Variants in WDPCP observed in about 807,000 individuals in gnomAD.
WDPCP encodes the protein WD repeat containing planar cell polarity effector, also known as WD repeat-containing and planar cell polarity effector protein fritz homolog.
In WDPCP, 71 loss-of-function variants were observed where a neutral mutation model predicts 93.1. The ratio of observed to expected loss-of-function variants is 0.76; its 90% CI spans 0.63 to 0.93. The LOEUF (loss-of-function observed/expected upper bound fraction) is 0.93. WDPCP is among the 40% of genes least tolerant of loss of function. WDPCP has a pLI of 0.00. For missense variants in WDPCP, 844 were observed against 887.4 expected (o/e 0.95, Z 0.62); for synonymous variants, 315 against 315.0 (o/e 1.00, Z 0.00).
the WDPCP span, among the ~76,000 whole-genome samples, chr2:63,837,956 T>C: frequency 6.6e-6 from 1 of 151,892 alleles, no homozygotes; most frequent in African/African-American, 2.4e-5. Flanking sequence ...ATACAAAAAC[T>C]AGCCAGGTGG....
chr2:63,392,600 A>G (rs964585833), intron 10 of WDPCP, among the ~76,000 whole-genome samples: 9 of 152,218 alleles, frequency 5.9e-5, no homozygotes, highest in Non-Finnish European at 1.2e-4. Flanking sequence ...TGAACAGGCA[A>G]CCTACAGAAT....
rs561270187 is a variant in WDPCP at position 63,417,458 on chromosome 2, A to C, written c.826-12801T>G. Among the ~76,000 whole-genome samples, 17 of 152,098 alleles carry C rather than the reference A, an allele frequency of 1.1e-4. No individual in the cohort carries two copies. In the South Asian group the frequency reaches 3.5e-3, roughly 32 times the overall value. ...AAATTTATTTTTATTCATACTTAAC[A>C]ATGTGATTTTTAAAGATAACCAATA... On this transcript the variant is annotated intron_variant, in intron 9 of 17. Transcript: ENST00000272321.
At chr2:63,557,676 C>T (rs1706232231) in intron 1 of WDPCP, among the ~76,000 whole-genome samples, 1 of 152,024 alleles carries the variant, frequency 6.6e-6, no homozygotes, top group African/African-American at 2.4e-5. Context: ...ACACTCCACC[C>T]AAAAACAACA....
intron 1 of WDPCP, among the ~76,000 whole-genome samples, chr2:63,529,308 T>A (rs912950228): frequency 6.6e-6 from 1 of 152,204 alleles, no homozygotes; most frequent in African/African-American, 2.4e-5. Context: ...TCAAAGGGAA[T>A]GCTTCCAGTT....
chr2:63,562,010 T>C (rs887204794), intron 1 of WDPCP, among the ~76,000 whole-genome samples: 45 of 152,206 alleles, frequency 3.0e-4, no homozygotes, highest in Non-Finnish European at 6.2e-4. Context: ...CCTAGCAATC[T>C]CATTATTGGG....
intron 1 of WDPCP, among the ~76,000 whole-genome samples, chr2:63,504,324 TTGTGTGTGTGTGTGTGTG>T (rs60202196): frequency 4.3e-5 from 6 of 138,022 alleles, no homozygotes; most frequent in South Asian, 2.5e-4. Flanking sequence ...ACGTACTAAA[TTGTGTGTGTGTGTGTGTG>T]TGTGTGTGTG....
At position 63,404,193 on chromosome 2, in the gene WDPCP, T is replaced by C. The variant is rs1157846853; in HGVS notation, c.1290A>G (p.Lys430=). 6.2e-7 allele frequency: 1 copy of C among 1,614,044 alleles called. No individual in the cohort carries two copies. The highest frequency in any genetic ancestry group is 8.5e-7 in the Non-Finnish European group (1 of 1,179,966). ...CAAGACTGCTGGAGGCATCAAATAA[T>C]TTACTGAATTGCAGAGTCTCCCTGG... The part of the protein sequence containing the change: ...RLPRETLQFS[K]LFDASSSLVQ... The change falls in exon 10 of 18, where the codon AAA becomes AAG. Residue 430 remains lysine, a synonymous_variant. Transcript: ENST00000272321.
chr2:63,672,186 G>T (rs1710355746), intron 2 of WDPCP, among the ~76,000 whole-genome samples: 1 of 152,152 alleles, frequency 6.6e-6, no homozygotes, highest in Non-Finnish European at 1.5e-5. Context: ...AGCCTATTTG[G>T]AATGACACAC....
intron 4 of WDPCP, 86 bp from the exon 5 acceptor site, chr2:63,485,073 A>G: frequency 7.3e-7 from 1 of 1,370,818 alleles, no homozygotes; most frequent in South Asian, 1.2e-5. Flanking sequence ...GGAGATTAAA[A>G]TAAAACACCT....
chr2:63,338,357 GC>G (rs979305526), intron 12 of WDPCP, among the ~76,000 whole-genome samples: 1 of 151,570 alleles, frequency 6.6e-6, no homozygotes, highest in African/African-American at 2.4e-5. Context: ...TTTGAGACCA[GC>G]CTGGCCAACA....
At chr2:63,152,852 C>A in intron 17 of WDPCP, 62 bp downstream of exon 17, 1 of 1,492,994 alleles carries the variant, frequency 6.7e-7, no homozygotes, top group Non-Finnish European at 9.3e-7. Flanking sequence ...AAAATAATCA[C>A]ATACATTATG....
chr2:63,593,732 C>A (rs748744673), upstream of WDPCP: 1 of 469,122 alleles, frequency 2.1e-6, no homozygotes, highest in African/African-American at 2.0e-5. Context: ...CTACCCATTA[C>A]GTTTCTAAAC....
intron 2 of WDPCP, among the ~76,000 whole-genome samples, chr2:63,721,990 C>T (rs1189099322): frequency 5.3e-5 from 8 of 152,130 alleles, no homozygotes; most frequent in Admixed American, 1.3e-4. Flanking sequence ...CTCGGCCTCC[C>T]GAGGTGCCGG....
intron 15 of WDPCP, among the ~76,000 whole-genome samples, chr2:63,165,337 T>C (rs1672884669): frequency 6.6e-6 from 1 of 152,132 alleles, no homozygotes; most frequent in Admixed American, 6.5e-5. Flanking sequence ...ATTAATATGG[T>C]ATATGATATT....
intron 1 of WDPCP, among the ~76,000 whole-genome samples, chr2:63,526,533 T>C (rs1376219150): frequency 6.6e-6 from 1 of 152,210 alleles, no homozygotes; most frequent in African/African-American, 2.4e-5. Context: ...ATGACCTACC[T>C]TTCCAAATTC....
chr2:63,615,551 AC>A (rs1709663306), intron 3 of WDPCP, among the ~76,000 whole-genome samples: 1 of 151,380 alleles, frequency 6.6e-6, no homozygotes, highest in African/African-American at 2.4e-5. Flanking sequence ...TAAATAAGAT[AC>A]CCCCTCCCCA....
chr2:63,604,714 G>C (rs764417224), intron 3 of WDPCP: 2 of 1,613,786 alleles, frequency 1.2e-6, no homozygotes, highest in Admixed American at 3.3e-5. Flanking sequence ...TAAACTTGGT[G>C]TGACTGCTAA....
At chr2:63,632,391 A>C (rs184064603) in intron 3 of WDPCP, among the ~76,000 whole-genome samples, 1 of 152,364 alleles carries the variant, frequency 6.6e-6, no homozygotes, top group Non-Finnish European at 1.5e-5. Flanking sequence ...AAAGACCTAC[A>C]AACTGCCAAA....
chr2:63,335,575 C>T (rs1688297989), intron 12 of WDPCP, among the ~76,000 whole-genome samples: 2 of 152,074 alleles, frequency 1.3e-5, no homozygotes, highest in African/African-American at 4.8e-5. Flanking sequence ...AAGCATGCAC[C>T]ACACCTGGCC....
Sources: gnomAD v4.1 joint callset for allele counts (sites outside exome capture counted in the v4.1 genomes callset) on GRCh38, gnomAD v4.1.1 for gene constraint, MANE v1.5 for transcripts, NCBI Gene and HGNC (gene_info 2026-07-23, HGNC 2026-07-21) for gene names.